SHMT1: variants seen among roughly 807,000 people sequenced by gnomAD.
SHMT1 encodes the protein serine hydroxymethyltransferase 1.
Under a neutral mutation model 49.0 loss-of-function variants are expected in SHMT1, and 45 were observed. The ratio of observed to expected loss-of-function variants is 0.92; its 90% CI spans 0.72 to 1.18. The LOEUF (loss-of-function observed/expected upper bound fraction) is 1.18, where lower values mean the gene tolerates loss of function less well. Ranked by LOEUF, SHMT1 falls within the 50% of genes most tolerant of loss-of-function variation. SHMT1 has a pLI of 0.00. For synonymous variants in SHMT1, 232 were observed against 246.6 expected (o/e 0.94, Z 0.55); for missense variants, 541 against 612.4 (o/e 0.88, Z 1.23).
At chr17:18,329,599 CAA>C (rs1168551139) in intron 10 of SHMT1, among the ~76,000 whole-genome samples, 1 of 152,210 alleles carries the variant, frequency 6.6e-6, no homozygotes, top group Non-Finnish European at 1.5e-5. Context: ...TACTAGTACA[CAA>C]AGTGGTCTGA....
chr17:18,335,769 C>G lies in SHMT1; in HGVS notation c.815-94G>C, dbSNP rs1598021695. On this transcript the variant is annotated intron_variant, in intron 7 of 11. Transcript: ENST00000316694. ...CCAGACTGGCCAGGGAAGAATCAAG[C>G]ACAAGCCTGGCCTTTATCCTGGCAT... 3 of 907,772 alleles carry G rather than the reference C, an allele frequency of 3.3e-6. No homozygotes were observed. In the East Asian group the frequency reaches 7.2e-5, roughly 22 times the overall value. The allele number at this position is 907,772 out of a possible 1,614,324, so 56.2% of individuals were successfully genotyped here.
rs1473316029 is a variant in SHMT1, at chr17:18,348,441, C to T, written c.243-1G>A. On this transcript the variant is annotated splice_acceptor_variant, in intron 3 of 11. Coordinates refer to ENST00000316694, the MANE Select transcript of SHMT1 (RefSeq NM_004169.5). LOFTEE classifies it high-confidence loss of function. Reference sequence around the variant, plus strand: ...AATAAACTCAGTCCCGCCATAGTATCTGTGGGAGAAGAGCAGGAGACTTAG... The same window carrying T: ...AATAAACTCAGTCCCGCCATAGTATTTGTGGGAGAAGAGCAGGAGACTTAG... 1 of 1,604,814 alleles carries T rather than the reference C, an allele frequency of 6.2e-7. No homozygotes were observed. Among genetic ancestry groups the T allele is most frequent in the Admixed American group, 1.7e-5 (1 of 60,014 alleles).
intron 1 of SHMT1, among the ~76,000 whole-genome samples, chr17:18,357,751 C>T (rs1217665949): frequency 6.6e-6 from 1 of 152,004 alleles, no homozygotes; most frequent in African/African-American, 2.4e-5. Context: ...CACCTGTAAC[C>T]CCAGCACTTT....
chr17:18,340,000 G>A lies in SHMT1; in HGVS notation c.814+43C>T. On this transcript the variant is annotated intron_variant, in intron 7 of 11. Transcript: ENST00000316694. The stretch of plus-strand genomic sequence containing the variant: ...GAATCTGAACCCCCACAGGAGAAAT[G>A]TAAACCATGGTACCCATCTGTACCC... 3 of 1,587,368 alleles carry A rather than the reference G, an allele frequency of 1.9e-6. 1 individual carries two copies. The South Asian group carries it at 3.3e-5, about 18-fold the overall frequency.
At chr17:18,355,396 C>A (rs1198378882) in intron 2 of SHMT1, among the ~76,000 whole-genome samples, 1 of 145,128 alleles carries the variant, frequency 6.9e-6, no homozygotes, top group Admixed American at 6.9e-5. Flanking sequence ...AAAAATTAGC[C>A]GGGCATGGTG....
At position 18,328,078 on chromosome 17, in the gene SHMT1, G is replaced by C. The variant is rs1982758332; in HGVS notation, c.*672C>G. 6.6e-6 allele frequency: 1 copy of C among 152,382 alleles called. No individual in the cohort carries two copies. The highest frequency in any genetic ancestry group is 1.5e-5 in the Non-Finnish European group (1 of 68,066). 9.4% of individuals were successfully genotyped at this position (152,382 alleles called of 1,614,324 possible). On this transcript the variant is annotated 3_prime_UTR_variant, in exon 12 of 12. Coordinates refer to ENST00000316694, the MANE Select transcript of SHMT1 (RefSeq NM_004169.5). ...GTGACATTTGGCTTCCTGATTACGG[G>C]AGGGAGTTGGTTATCTCAGGTGGAG...
chr17:18,341,662 A>AC (rs1984533754), intron 5 of SHMT1: 1 of 152,750 alleles, frequency 6.5e-6, no homozygotes, highest in Admixed American at 6.6e-5. Context: ...AAAAAAAAAA[A>AC]AAAAGCCAAA....
intron 1 of SHMT1, among the ~76,000 whole-genome samples, chr17:18,357,905 C>T (rs1881848902): frequency 6.7e-6 from 1 of 148,714 alleles, no homozygotes; most frequent in Admixed American, 6.7e-5. Context: ...ACTCTGTCGC[C>T]CAGGCTGGAG....
At chr17:18,342,189 T>C (rs1050466072) in intron 5 of SHMT1, among the ~76,000 whole-genome samples, 8 of 152,244 alleles carry the variant, frequency 5.3e-5, no homozygotes, top group African/African-American at 1.9e-4. Flanking sequence ...ATGTGACACA[T>C]ATATATATAA....
At chr17:18,339,956 T>C in intron 7 of SHMT1, 87 bp downstream of exon 7, 1 of 1,354,222 alleles carries the variant, frequency 7.4e-7, no homozygotes. Context: ...GGTCAGAGTT[T>C]TTCCCAGCTC....
chr17:18,361,484 A>G (rs1380244679), intron 1 of SHMT1, among the ~76,000 whole-genome samples: 1 of 150,902 alleles, frequency 6.6e-6, no homozygotes, highest in Non-Finnish European at 1.5e-5. Flanking sequence ...TTTCAAAAAA[A>G]AAAACAAAAA....
intron 9 of SHMT1, 147 bp from the exon 10 acceptor site, chr17:18,330,818 CCCA>C: frequency 2.9e-6 from 2 of 695,762 alleles, no homozygotes; most frequent in African/African-American, 1.8e-5. Context: ...GATTCTAATC[CCCA>C]CGAGAGATGC....
At chr17:18,337,872 T>C (rs527317103) in intron 7 of SHMT1, among the ~76,000 whole-genome samples, 1 of 152,184 alleles carries the variant, frequency 6.6e-6, no homozygotes, top group Non-Finnish European at 1.5e-5. Context: ...GTTCACTCAG[T>C]GCTCAATGTT....
Position 18,333,270 on chromosome 17 carries a change from T to A in SHMT1, c.950A>T (p.Lys317Met), listed in dbSNP as rs1385302259. 6.2e-7 allele frequency: 1 copy of A among 1,613,540 alleles called. No individual in the cohort carries two copies. The highest frequency in any genetic ancestry group is 1.7e-5 in the Admixed American group (1 of 59,990). ...HAIAGVAVAL[K>M]QAMTLEFKVY... is the part of the protein sequence containing the mutation. The stretch of plus-strand genomic sequence containing the variant: ...TTTAAATTCCAGAGTCATAGCTTGC[T>A]TCAGTGCCACAGCAACCCCTGGACA... The change falls in exon 9 of 12, where the codon AAG becomes ATG. Residue 317 changes from lysine (K) to methionine (M), a missense_variant. Physicochemically the swap from Lys to Met is moderately conservative, Grantham distance 95. Transcript: ENST00000316694.
intron 4 of SHMT1, among the ~76,000 whole-genome samples, chr17:18,347,954 G>A (rs1985273501): frequency 7.8e-6 from 1 of 127,752 alleles, no homozygotes; most frequent in South Asian, 2.7e-4. Flanking sequence ...TTTCGCTCTT[G>A]TTGCCCAGGC....
rs1567764084 is a variant in SHMT1, at chr17:18,328,454, A to T, written c.*296T>A. On this transcript the variant is annotated 3_prime_UTR_variant, in exon 12 of 12. Coordinates refer to ENST00000316694, the MANE Select transcript of SHMT1 (RefSeq NM_004169.5). ...AGCTTTGCCCTACACCACCATCTAA[A>T]TGATTATGACCAAGTGGCGACATAG... The T allele has an allele frequency of 2.3e-6, 1 of 426,476 alleles. No individual in the cohort carries two copies. The highest frequency in any genetic ancestry group is 4.4e-6 in the Non-Finnish European group (1 of 229,192). The allele number at this position is 426,476 out of a possible 1,614,324, so 26.4% of individuals were successfully genotyped here.
intron 10 of SHMT1, 88 bp from the exon 11 acceptor site, chr17:18,329,476 G>T: frequency 9.7e-7 from 1 of 1,030,432 alleles, no homozygotes. Flanking sequence ...GGGCAAAAGA[G>T]AACTGGCCTG....
intron 3 of SHMT1, among the ~76,000 whole-genome samples, chr17:18,353,178 C>T (rs997884525): frequency 2.8e-5 from 4 of 144,236 alleles, no homozygotes; most frequent in Middle Eastern, 3.6e-3. Context: ...AAAACAAAAA[C>T]GAATATAACA....
Position 18,340,636 on chromosome 17 carries a change from A to C in SHMT1, c.601+96T>G. ...TCAGTTATCCAGGGCAGAAACTAGC[A>C]GTGGGCTCAACAGGGTGCGAACATC... On this transcript the variant is annotated intron_variant, in intron 6 of 11. Transcript: ENST00000316694. The surrounding 1 kb of genome is among the most constrained non-coding windows in gnomAD (Gnocchi z 4.5). 1 of 1,047,520 alleles carries C rather than the reference A, an allele frequency of 9.5e-7. No individual in the cohort carries two copies. 64.9% of individuals were successfully genotyped at this position (1,047,520 alleles called of 1,614,324 possible).
Sources: allele counts gnomAD v4.1 joint callset (sites outside exome capture counted in the v4.1 genomes callset), GRCh38; gene constraint gnomAD v4.1.1; non-coding constraint Gnocchi (gnomAD v3.1); transcripts MANE v1.5; gene names NCBI Gene and HGNC (gene_info 2026-07-23, HGNC 2026-07-21).